TANC2: variants seen among roughly 807,000 people sequenced by gnomAD.
TANC2 encodes the protein tetratricopeptide repeat, ankyrin repeat and coiled-coil containing 2.
In TANC2, 26 loss-of-function variants were observed where a neutral mutation model predicts 210.5. That is an observed-to-expected ratio of 0.12 (90% CI 0.09 to 0.17). TANC2 has a LOEUF of 0.17. Among genes scored for constraint, TANC2 ranks in the 10% least tolerant of loss-of-function variants. The probability of loss-of-function intolerance (pLI) is 1.00; values close to 1 mark genes in which losing one functional copy is unlikely to be tolerated. For missense variants in TANC2, 2,129 were observed against 2,608.9 expected, an observed-to-expected ratio of 0.82 and a Z score of 4.01; for synonymous variants, 931 against 967.1, an observed-to-expected ratio of 0.96 and a Z score of 0.69.
intron 4 of TANC2, among the ~76,000 whole-genome samples, chr17:63,146,067 C>T (rs527656067): frequency 1.3e-5 from 2 of 152,206 alleles, no homozygotes; most frequent in South Asian, 4.1e-4. Context: ...TTTGTACCTT[C>T]TTTAATTTCT....
chr17:63,101,878 C>T (rs949675806), intron 4 of TANC2, among the ~76,000 whole-genome samples: 11 of 152,142 alleles, frequency 7.2e-5, no homozygotes, highest in African/African-American at 2.7e-4. Flanking sequence ...GATCTGGGAT[C>T]GGAGCTTTCC....
At chr17:63,363,201 ATAT>A (rs2047015595) in intron 14 of TANC2, among the ~76,000 whole-genome samples, 1 of 152,150 alleles carries the variant, frequency 6.6e-6, no homozygotes, top group Non-Finnish European at 1.5e-5. Context: ...TTTTTAAATC[ATAT>A]TATTAGATTT....
chr17:63,323,469 A>G (rs1442891140), intron 11 of TANC2, among the ~76,000 whole-genome samples: 2 of 152,190 alleles, frequency 1.3e-5, no homozygotes, highest in African/African-American at 4.8e-5. Context: ...CTAAAGCATA[A>G]TCACAGTAGA....
At chr17:63,063,956 T>C (rs1034526005) in intron 2 of TANC2, among the ~76,000 whole-genome samples, 2 of 152,118 alleles carry the variant, frequency 1.3e-5, no homozygotes, top group African/African-American at 4.8e-5. Flanking sequence ...TATTCTGAGC[T>C]TTTAAAGATG....
intron 8 of TANC2, among the ~76,000 whole-genome samples, chr17:63,238,403 T>C (rs1165497173): frequency 3.3e-5 from 5 of 152,180 alleles, no homozygotes; most frequent in Admixed American, 6.5e-5. Context: ...GAATTTTAGT[T>C]TGAGGTTTTA....
intron 12 of TANC2, among the ~76,000 whole-genome samples, chr17:63,343,823 G>C (rs1486442299): frequency 1.3e-5 from 2 of 152,198 alleles, no homozygotes; most frequent in Non-Finnish European, 2.9e-5. Flanking sequence ...TTGAACCCAG[G>C]AGGTCAAGGC....
chr17:63,063,531 CGTGTGTGTGTGT>C (rs59132639), intron 2 of TANC2, among the ~76,000 whole-genome samples: 19 of 108,224 alleles, frequency 1.8e-4, no homozygotes, highest in Non-Finnish European at 3.0e-4. Flanking sequence ...GGGACAAAGA[CGTGTGTGTGTGT>C]GTGTGTGTGT....
chr17:63,222,703 C>T (rs1021504048), intron 7 of TANC2, among the ~76,000 whole-genome samples: 2 of 145,878 alleles, frequency 1.4e-5, no homozygotes, highest in African/African-American at 5.2e-5. Context: ...TAAATTATAC[C>T]TTAATAAAAC....
At chr17:63,350,200 A>G (rs997103204) in intron 12 of TANC2, among the ~76,000 whole-genome samples, 4 of 152,174 alleles carry the variant, frequency 2.6e-5, no homozygotes, top group African/African-American at 7.2e-5. Flanking sequence ...CCAATTTTGT[A>G]TGCAAGTCCA....
intron 8 of TANC2, 30 bp downstream of exon 8, chr17:63,238,107 C>T (rs2042673079): frequency 2.7e-6 from 4 of 1,503,520 alleles, no homozygotes; most frequent in Non-Finnish European, 3.5e-6. Flanking sequence ...GTTGTTGTTG[C>T]TGTTGTTAAA....
intron 4 of TANC2, among the ~76,000 whole-genome samples, chr17:63,135,842 A>G (rs928639639): frequency 2.0e-5 from 3 of 152,192 alleles, no homozygotes; most frequent in Non-Finnish European, 4.4e-5. Context: ...ATTGTCAAAA[A>G]CCTAGTACTC....
intron 2 of TANC2, among the ~76,000 whole-genome samples, chr17:63,062,980 C>T (rs533548618): frequency 6.6e-6 from 1 of 152,158 alleles, no homozygotes; most frequent in African/African-American, 2.4e-5. Context: ...ACATGACAGT[C>T]ACTTCAGATG....
At chr17:63,136,458 A>G (rs1426899097) in intron 4 of TANC2, among the ~76,000 whole-genome samples, 1 of 152,042 alleles carries the variant, frequency 6.6e-6, no homozygotes, top group East Asian at 1.9e-4. Flanking sequence ...GGACATGAAC[A>G]GATCACTTAT....
At chr17:63,240,825 A>G (rs1182422736) in intron 8 of TANC2, among the ~76,000 whole-genome samples, 1 of 152,144 alleles carries the variant, frequency 6.6e-6, no homozygotes, top group Non-Finnish European at 1.5e-5. Context: ...TTCTCCAGTC[A>G]TCTCCCAGCC....
At chr17:63,402,932 G>A (rs1196193596) in intron 19 of TANC2, among the ~76,000 whole-genome samples, 1 of 152,196 alleles carries the variant, frequency 6.6e-6, no homozygotes, top group Non-Finnish European at 1.5e-5. Flanking sequence ...ATTTTACATA[G>A]TTGTGTTGTT....
At chr17:63,233,676 C>G (rs571826284) in intron 7 of TANC2, among the ~76,000 whole-genome samples, 1 of 152,248 alleles carries the variant, frequency 6.6e-6, no homozygotes, top group Non-Finnish European at 1.5e-5. Context: ...ATCTTGGCCC[C>G]TCCGGCCTGT....
intron 3 of TANC2, among the ~76,000 whole-genome samples, chr17:63,080,110 A>G (rs1435550810): frequency 2.6e-5 from 4 of 152,288 alleles, no homozygotes; most frequent in African/African-American, 9.6e-5. Context: ...TAGTAATGTA[A>G]GAGTTTATTA....
chr17:63,290,491 A>G (rs1193188405), intron 9 of TANC2, among the ~76,000 whole-genome samples: 2 of 152,092 alleles, frequency 1.3e-5, no homozygotes, highest in Non-Finnish European at 2.9e-5. Flanking sequence ...GTGACTTCCA[A>G]GCTCCTTACA....
intron 1 of TANC2, among the ~76,000 whole-genome samples, chr17:62,981,424 T>C (rs1438189265): frequency 6.6e-6 from 1 of 152,222 alleles, no homozygotes; most frequent in African/African-American, 2.4e-5. Context: ...TTTTCTGCAT[T>C]GCTGTGAACA....
Sources: gnomAD v4.1 joint callset for allele counts (sites outside exome capture counted in the v4.1 genomes callset) on GRCh38, gnomAD v4.1.1 for gene constraint, MANE v1.5 for transcripts, NCBI Gene and HGNC (gene_info 2026-07-23, HGNC 2026-07-21) for gene names.